CCDC57: variants seen among roughly 807,000 people sequenced by gnomAD.
CCDC57 encodes coiled-coil domain-containing protein 57.
CCDC57 carries 118 observed loss-of-function variants against 118.9 expected under a neutral mutation model. The observed-to-expected ratio is 0.99, with a 90% confidence interval of 0.86 to 1.16. CCDC57 has a LOEUF of 1.16. Among genes scored for constraint, CCDC57 ranks in the 50% most tolerant of loss-of-function variants. CCDC57 has a pLI of 0.00. For synonymous variants in CCDC57, 527 were observed against 532.9 expected, an observed-to-expected ratio of 0.99 and a Z score of 0.15; for missense variants, 1,300 against 1,320.7, an observed-to-expected ratio of 0.98 and a Z score of 0.24.
intron 19 of CCDC57, among the ~76,000 whole-genome samples, chr17:82,110,692 T>A (rs2035182038): frequency 6.6e-6 from 1 of 152,216 alleles, no homozygotes; most frequent in Non-Finnish European, 1.5e-5. Context: ...TTGTAAAACC[T>A]ACTACTGAAT....
At position 82,118,692 on chromosome 17, in the gene CCDC57, T is replaced by C. The variant is rs569153048; in HGVS notation, c.2899+9000A>G. ...CCTGGGTGCTTCTCTGGAACTGCCT[T>C]AGGGAGAGCTTCCGTCCGCACTGGG... On this transcript the variant is annotated intron_variant, in intron 19 of 19. Coordinates refer to ENST00000665763, the Ensembl canonical transcript of CCDC57. This position sits in a 1 kb window ranked among gnomAD's most constrained non-coding sequence, Gnocchi z 4.7. Among the ~76,000 whole-genome samples, 10 of 152,200 alleles carry C rather than the reference T, an allele frequency of 6.6e-5. No individual in the cohort carries two copies. Among genetic ancestry groups the C allele is most frequent in the African/African-American group, 2.4e-4 (10 of 41,530 alleles).
At position 82,163,364 on chromosome 17, in the gene CCDC57, A is replaced by G; in HGVS notation, c.1883-7T>C. 1 of 1,613,336 alleles carries G rather than the reference A, an allele frequency of 6.2e-7. No homozygotes were observed. ...CCAGCTTGGGCAGACCCTCCTGCAGAGAAGAGTGGCTTCTGTCAGCTCATA... is the reference window on the plus strand; with the variant it reads ...CCAGCTTGGGCAGACCCTCCTGCAGGGAAGAGTGGCTTCTGTCAGCTCATA... On this transcript the variant is annotated splice_polypyrimidine_tract_variant and splice_region_variant and intron_variant, in intron 13 of 19. Transcript: ENST00000665763.
rs1390563597 is a variant in CCDC57 at position 82,149,023 on chromosome 17, A to G, written c.2455+2537T>C. Among the ~76,000 whole-genome samples, 2 of 49,968 alleles carry G rather than the reference A, an allele frequency of 4.0e-5. 1 individual carries two copies. Among genetic ancestry groups the G allele is most frequent in the Non-Finnish European group, 7.0e-5 (2 of 28,656 alleles). The allele number at this position is 49,968 out of a possible 152,430, so 32.8% of individuals were successfully genotyped here. On this transcript the variant is annotated intron_variant, in intron 16 of 19. Transcript: ENST00000665763. ...AATGGATGGGTGGTGGATGGATGGT[A>G]GATGGATGGATGGGTGGGTGGACGG...
chr17:82,163,107 C>A (rs1376610128), intron 14 of CCDC57, 93 bp downstream of exon 13: 33 of 1,504,428 alleles, frequency 2.2e-5, no homozygotes, highest in Non-Finnish European at 3.0e-5. Flanking sequence ...CCGAGGTCAC[C>A]TGGGGTCGCA....
At chr17:82,198,595 C>T (rs929029678) in intron 3 of CCDC57, among the ~76,000 whole-genome samples, 173 bp from the exon 3 acceptor site, 3 of 152,024 alleles carry the variant, frequency 2.0e-5, no homozygotes, top group Admixed American at 2.0e-4. Flanking sequence ...CAGCATGCTA[C>T]ACCCATCTAT....
intron 19 of CCDC57, chr17:82,107,442 C>T (rs2034935176): frequency 4.3e-6 from 2 of 469,674 alleles, no homozygotes; most frequent in South Asian, 3.1e-5. Context: ...GTCTCTGCGC[C>T]TCCGTTTGAC....
intron 14 of CCDC57, 124 bp downstream of exon 13, chr17:82,163,076 C>T: frequency 1.7e-6 from 2 of 1,199,120 alleles, no homozygotes; most frequent in Non-Finnish European, 2.4e-6. Context: ...AAAAAACAGG[C>T]AGAGAGAGGT....
intron 16 of CCDC57, among the ~76,000 whole-genome samples, chr17:82,145,448 G>A (rs1260004594): frequency 2.0e-5 from 3 of 152,002 alleles, no homozygotes; most frequent in Non-Finnish European, 2.9e-5. Context: ...TTGGGAGGCT[G>A]AGGCAATAGA....
chr17:82,136,441 G>A (rs2039181474), intron 16 of CCDC57, among the ~76,000 whole-genome samples: 1 of 152,126 alleles, frequency 6.6e-6, no homozygotes, highest in African/African-American at 2.4e-5. Flanking sequence ...GCGAATGAGT[G>A]TGGGGTTTCC....
chr17:82,165,715 C>T (rs924267591), intron 13 of CCDC57, among the ~76,000 whole-genome samples: 33 of 152,236 alleles, frequency 2.2e-4, no homozygotes, highest in Admixed American at 6.5e-4. Flanking sequence ...TAAAACCAGC[C>T]AGAATCCACA....
At chr17:82,137,001 C>T (rs2039282980) in intron 16 of CCDC57, among the ~76,000 whole-genome samples, 1 of 146,550 alleles carries the variant, frequency 6.8e-6, no homozygotes, top group African/African-American at 2.5e-5. Context: ...GGTTTGTTTC[C>T]TTGGTGTACT....
rs141456965 is a variant in CCDC57, at chr17:82,185,775, G to A, written c.1053-1843C>T. Among the ~76,000 whole-genome samples the A allele has an allele frequency of 4.3e-3, 660 of 152,156 alleles. 5 individuals carry two copies. Among genetic ancestry groups the A allele is most frequent in the African/African-American group, 0.015 (633 of 41,510 alleles). ...TCATGCCTATAATCCCAGCACTTTG[G>A]GAGGCTGAGATGGGAGGATCACTTA... On this transcript the variant is annotated intron_variant, in intron 8 of 19. Coordinates refer to ENST00000665763, the Ensembl canonical transcript of CCDC57.
At chr17:82,198,797 TG>T (rs2048610372) in intron 3 of CCDC57, among the ~76,000 whole-genome samples, 1 of 151,658 alleles carries the variant, frequency 6.6e-6, no homozygotes, top group African/African-American at 2.4e-5. Context: ...GAGAGCATCC[TG>T]GCTAACACGG....
intron 14 of CCDC57, among the ~76,000 whole-genome samples, chr17:82,159,148 T>C (rs1247755715): frequency 3.3e-5 from 5 of 151,928 alleles, no homozygotes; most frequent in African/African-American, 7.2e-5. Context: ...ATTACAGGCA[T>C]GCACCACCGT....
chr17:82,206,103 A>G (rs1323631329), intron 2 of CCDC57, among the ~76,000 whole-genome samples: 1 of 152,260 alleles, frequency 6.6e-6, no homozygotes, highest in Non-Finnish European at 1.5e-5. Flanking sequence ...CGGCAGGAGA[A>G]GCCGCCGGGG....
chr17:82,172,711 G>A lies in CCDC57; in HGVS notation c.1656C>T (p.Pro552=). 3 of 1,581,326 alleles carry A rather than the reference G, an allele frequency of 1.9e-6. No homozygotes were observed. Among genetic ancestry groups the A allele is most frequent in the African/African-American group, 2.7e-5 (2 of 74,504 alleles). ...CTGTGCTCTCTGCCGCTGTCTGGAT[G>A]GGAGGAGGAATCTGATGGCTTAGAG... Residue 552 remains proline (P), a synonymous_variant, in exon 12 of 20, where the codon CCC becomes CCT. Transcript: ENST00000665763. The surrounding 1 kb of genome is among the most constrained non-coding windows in gnomAD (Gnocchi z 5.2).
chr17:82,110,907 C>T (rs2035193912), intron 19 of CCDC57, among the ~76,000 whole-genome samples: 1 of 151,492 alleles, frequency 6.6e-6, no homozygotes, highest in Non-Finnish European at 1.5e-5. Flanking sequence ...TGCCTGTAAT[C>T]CCAGCTACTC....
intron 17 of CCDC57, among the ~76,000 whole-genome samples, chr17:82,130,651 T>A (rs1298231027): frequency 6.6e-6 from 1 of 150,676 alleles, no homozygotes; most frequent in Non-Finnish European, 1.5e-5. Flanking sequence ...TATAGGTGCC[T>A]GCCACCACAA....
At chr17:82,210,913 C>CG (rs2050134777) in intron 1 of CCDC57, among the ~76,000 whole-genome samples, 1 of 138,172 alleles carries the variant, frequency 7.2e-6, no homozygotes, top group African/African-American at 2.7e-5. Context: ...AGAATCACTT[C>CG]AACCCAGGAG....
Sources: gnomAD v4.1 joint callset for allele counts (sites outside exome capture counted in the v4.1 genomes callset) on GRCh38, gnomAD v4.1.1 for gene constraint, Gnocchi (gnomAD v3.1) non-coding constraint, MANE v1.5 for transcripts, NCBI Gene and HGNC (gene_info 2026-07-23, HGNC 2026-07-21) for gene names.